The following CACNA1E variants were observed in gnomAD, a reference collection of about 807,000 sequenced individuals.
CACNA1E encodes voltage-dependent R-type calcium channel subunit alpha-1E.
CACNA1E carries 40 observed loss-of-function variants against 259.2 expected under a neutral mutation model. The observed-to-expected ratio is 0.15, with a 90% CI of 0.12 to 0.20. The LOEUF (loss-of-function observed/expected upper bound fraction) is 0.20, where lower values mean the gene tolerates loss of function less well. CACNA1E is among the 10% of genes least tolerant of loss of function. The pLI, the probability that CACNA1E is intolerant of heterozygous loss-of-function variation, is 1.00. For synonymous variants in CACNA1E, 1,104 were observed against 1,138.5 expected (o/e 0.97, Z 0.61); for missense variants, 1,874 against 3,040.1 (o/e 0.62, Z 9.02).
rs1412745219 is a variant in CACNA1E at position 181,805,765 on chromosome 1, AG to A, written c.*6932del. On this transcript the variant is annotated 3_prime_UTR_variant, in exon 48 of 48. Coordinates refer to ENST00000367573, the MANE Select transcript of CACNA1E (RefSeq NM_001205293.3). ...TCCAACTCCGCTCAAACTGAGTCCA[AG>A]ATTTGAATTCATCCAGAAAAACAAA... 6.6e-6 allele frequency: 1 copy of A among 152,220 alleles called. No homozygotes were observed. The highest frequency in any genetic ancestry group is 2.4e-5 in the African/African-American group (1 of 41,446). The allele number at this position is 152,220 out of a possible 1,614,324, so 9.4% of individuals were successfully genotyped here. A position where few individuals can be genotyped will look rare whatever the true frequency, so the allele number is the denominator to read the frequency against.
chr1:181,395,643 T>C (rs564066692), intron 1 of CACNA1E, among the ~76,000 whole-genome samples: 4 of 152,250 alleles, frequency 2.6e-5, no homozygotes, highest in African/African-American at 9.6e-5. Context: ...ACCAAGAACC[T>C]CCTCCTGGGT....
At chr1:181,489,700 G>A (rs1664149133) in intron 1 of CACNA1E, among the ~76,000 whole-genome samples, 2 of 152,200 alleles carry the variant, frequency 1.3e-5, no homozygotes, top group Admixed American at 1.3e-4. Context: ...GATAAATGCT[G>A]AACGACTAGG....
rs1202575075 is a variant in CACNA1E, at chr1:181,716,127, T to C, written c.1313T>C (p.Val438Ala). The C allele has an allele frequency of 1.3e-6, 2 of 1,547,778 alleles. No homozygotes were observed. Among genetic ancestry groups the C allele is most frequent in the South Asian group, 1.2e-5 (1 of 84,240 alleles). ...GAGCACTGTGTTGATATCTCCTCTG[T>C]GGGTGAGTGGATCCAGTTAGATCTT... ...SDEHCVDISSVGTPLARASIK... is the reference protein window; with the variant it reads ...SDEHCVDISSAGTPLARASIK... The change falls in exon 10 of 48, where the codon GTG (valine) becomes GCG (alanine). Residue 438 changes from valine (V) to alanine (A), a missense_variant and splice_region_variant. Transcript: ENST00000367573.
intron 1 of CACNA1E, among the ~76,000 whole-genome samples, chr1:181,322,109 C>T (rs2102562470): frequency 6.6e-6 from 1 of 152,216 alleles, no homozygotes; most frequent in East Asian, 1.9e-4. Context: ...ATAGGCAGGC[C>T]TCAGCCCAGT....
intron 9 of CACNA1E, 99 bp from the exon 10 acceptor site, chr1:181,715,941 C>T (rs989405258): frequency 1.5e-5 from 11 of 732,070 alleles, no homozygotes; most frequent in Non-Finnish European, 2.7e-5. Context: ...GTTACAGGGG[C>T]CTCACACAAG....
At chr1:181,628,059 T>A (rs1342044619) in intron 6 of CACNA1E, among the ~76,000 whole-genome samples, 1 of 152,078 alleles carries the variant, frequency 6.6e-6, no homozygotes, top group Non-Finnish European at 1.5e-5. Flanking sequence ...TTGAAGATGA[T>A]GAGATAATGA....
intron 1 of CACNA1E, among the ~76,000 whole-genome samples, chr1:181,336,693 T>C (rs986066253): frequency 6.6e-6 from 1 of 152,134 alleles, no homozygotes; most frequent in Non-Finnish European, 1.5e-5. Flanking sequence ...CTTCCCAAAC[T>C]AGACTGCTTA....
At chr1:181,698,990 T>G (rs1327393314) in intron 7 of CACNA1E, among the ~76,000 whole-genome samples, 2 of 152,148 alleles carry the variant, frequency 1.3e-5, no homozygotes, top group African/African-American at 4.8e-5. Flanking sequence ...ATGATGTTGC[T>G]TTACAGCTTT....
At chr1:181,380,895 C>A (rs557419912) in intron 1 of CACNA1E, among the ~76,000 whole-genome samples, 4 of 152,166 alleles carry the variant, frequency 2.6e-5, no homozygotes, top group African/African-American at 9.7e-5. Flanking sequence ...AGGCTGGGCA[C>A]GGTGGCCCAT....
At chr1:181,582,915 A>C (rs563355047) in intron 6 of CACNA1E, among the ~76,000 whole-genome samples, 1 of 152,286 alleles carries the variant, frequency 6.6e-6, no homozygotes, top group South Asian at 2.1e-4. Context: ...AGATACTTTG[A>C]AACCTTTTAT....
At chr1:181,596,640 G>A (rs1017923079) in intron 6 of CACNA1E, among the ~76,000 whole-genome samples, 8 of 151,476 alleles carry the variant, frequency 5.3e-5, no homozygotes, top group Non-Finnish European at 1.0e-4. Flanking sequence ...GGCCCAGGGA[G>A]CTCTTTGCCA....
At chr1:181,370,848 A>G (rs1654646685) in intron 1 of CACNA1E, among the ~76,000 whole-genome samples, 1 of 152,198 alleles carries the variant, frequency 6.6e-6, no homozygotes. Context: ...AGAAATTTCC[A>G]AATTGCTTTC....
intron 2 of CACNA1E, among the ~76,000 whole-genome samples, chr1:181,468,481 T>C (rs1425129315): frequency 2.0e-5 from 3 of 152,220 alleles, no homozygotes; most frequent in African/African-American, 7.2e-5. Flanking sequence ...ATAGTTTCCA[T>C]TCATTTATTT....
rs538159157 is a variant in CACNA1E, at chr1:181,476,406, T to G, written c.435-7338T>G. Among the ~76,000 whole-genome samples, 15 of 152,278 alleles carry G rather than the reference T, an allele frequency of 9.9e-5. No homozygotes were observed. The South Asian group carries it at 2.5e-3, about 25-fold the overall frequency. On this transcript the variant is annotated intron_variant, in intron 2 of 11. Transcript: ENST00000524607. ...TGATGATTCCAACACAAAGGGTTCT[T>G]GGAGAGGCAGGATTGGTGGGTGCAG...
intron 2 of CACNA1E, 25 bp downstream of exon 2, chr1:181,510,607 C>A: frequency 7.0e-7 from 1 of 1,437,060 alleles, no homozygotes; most frequent in Non-Finnish European, 9.8e-7. Flanking sequence ...TCCTTCTCCC[C>A]TTTGCCCCTT....
intron 4 of CACNA1E, 83 bp from the exon 5 acceptor site, chr1:181,578,989 C>A: frequency 8.4e-7 from 1 of 1,194,692 alleles, no homozygotes; most frequent in Non-Finnish European, 1.2e-6. Context: ...TGGATGAAAC[C>A]AATGAGGGAA....
At chr1:181,503,043 T>G (rs1665400538) in intron 1 of CACNA1E, among the ~76,000 whole-genome samples, 1 of 152,196 alleles carries the variant, frequency 6.6e-6, no homozygotes, top group Non-Finnish European at 1.5e-5. Context: ...TTTCCTTTTG[T>G]GTAGACAGGT....
chr1:181,318,928 G>A (rs1177286502), intron 1 of CACNA1E, among the ~76,000 whole-genome samples: 3 of 152,310 alleles, frequency 2.0e-5, no homozygotes, highest in East Asian at 3.9e-4. Context: ...GTGGTTGTGC[G>A]TCCTTTCCCA....
chr1:181,571,963 C>G (rs1345685669), intron 3 of CACNA1E, among the ~76,000 whole-genome samples: 1 of 152,144 alleles, frequency 6.6e-6, no homozygotes, highest in Non-Finnish European at 1.5e-5. Flanking sequence ...TATAAGACAT[C>G]CAGTTAAATT....
Sources: gnomAD v4.1 joint callset for allele counts (sites outside exome capture counted in the v4.1 genomes callset) on GRCh38, gnomAD v4.1.1 for gene constraint, MANE v1.5 for transcripts, NCBI Gene and HGNC (gene_info 2026-07-23, HGNC 2026-07-21) for gene names.